MCUR1: variants seen among roughly 807,000 people sequenced by gnomAD.
The protein encoded by MCUR1 is mitochondrial calcium uniporter regulator 1.
Under a neutral mutation model 42.0 loss-of-function variants are expected in MCUR1, and 37 were observed. The observed-to-expected ratio is 0.88, with a 90% CI of 0.68 to 1.16. MCUR1 has a LOEUF of 1.16. MCUR1 is among the 50% of genes most tolerant of loss of function. MCUR1 has a pLI of 0.00. For synonymous variants in MCUR1, 229 were observed against 196.2 expected (o/e 1.17, Z -1.40); for missense variants, 469 against 468.4 (o/e 1.00, Z -0.01).
chr6:13,797,663 A>C (rs899950567), intron 6 of MCUR1, among the ~76,000 whole-genome samples: 1 of 151,212 alleles, frequency 6.6e-6, no homozygotes, highest in Non-Finnish European at 1.5e-5. Context: ...AGCTGAGATC[A>C]CACCACTGCA....
rs1760329820 is a variant in MCUR1 at position 13,814,453 on chromosome 6, G to C, written c.-24C>G. The C allele has an allele frequency of 1.3e-6, 2 of 1,483,482 alleles. No homozygotes were observed. The highest frequency in any genetic ancestry group is 1.8e-6 in the Non-Finnish European group (2 of 1,127,242). 91.9% of individuals were successfully genotyped at this position (1,483,482 alleles called of 1,614,324 possible). A position where few individuals can be genotyped will look rare whatever the true frequency, so the allele number is the denominator to read the frequency against. On this transcript the variant is annotated 5_prime_UTR_variant, in exon 1 of 9. Transcript: ENST00000379170. Reference sequence around the variant, plus strand: ...ATCCCCGAGCAGTTCACTGGCCCGGGCGCGCGCTCATGCCTCTCGCTTTTG... The same window carrying C: ...ATCCCCGAGCAGTTCACTGGCCCGGCCGCGCGCTCATGCCTCTCGCTTTTG...
At position 13,786,978 on chromosome 6, in the gene MCUR1, G is replaced by A. The variant is rs1759618752; in HGVS notation, c.*3831C>T. ...ATGTTTTTGCCTTAGTGCCAAAAAA[G>A]CCAGAACAAATTTGATAAGCTCACA... is the stretch of plus-strand genomic sequence containing the variant. On this transcript the variant is annotated 3_prime_UTR_variant, in exon 9 of 9. Transcript: ENST00000379170. 1 of 152,102 alleles carries A rather than the reference G, an allele frequency of 6.6e-6. No homozygotes were observed. The highest frequency in any genetic ancestry group is 6.5e-5 in the Admixed American group (1 of 15,276). The allele number at this position is 152,102 out of a possible 1,614,324, so 9.4% of individuals were successfully genotyped here.
At chr6:13,791,719 T>C (rs1234430462) in intron 8 of MCUR1, among the ~76,000 whole-genome samples, 159 bp downstream of exon 8, 2 of 152,234 alleles carry the variant, frequency 1.3e-5, no homozygotes, top group Non-Finnish European at 2.9e-5. Context: ...TAAACTATGA[T>C]ACTTCATCTA....
intron 2 of MCUR1, chr6:13,803,728 A>C (rs556721662): frequency 2.5e-4 from 246 of 982,088 alleles, no homozygotes; most frequent in Non-Finnish European, 2.9e-4. Flanking sequence ...AAGGTTACTC[A>C]CCAAAATGTT....
At chr6:13,798,686 T>A in intron 6 of MCUR1, 147 bp downstream of exon 6, 1 of 466,412 alleles carries the variant, frequency 2.1e-6, no homozygotes, top group Non-Finnish European at 3.6e-6. Context: ...AATCCAAAAT[T>A]ATTATAATAG....
At chr6:13,804,612 A>C (rs1428879488) in intron 2 of MCUR1, among the ~76,000 whole-genome samples, 1 of 151,736 alleles carries the variant, frequency 6.6e-6, no homozygotes, top group African/African-American at 2.4e-5. Context: ...GTCTCTACTA[A>C]AAATACAAAA....
chr6:13,791,008 A>C, intron 8 of MCUR1, 144 bp from the exon 9 acceptor site: 1 of 556,344 alleles, frequency 1.8e-6, no homozygotes, highest in Non-Finnish European at 3.2e-6. Context: ...ACGCCTGCCT[A>C]CTGAAAAAAC....
rs1183963706 is a variant in MCUR1, at chr6:13,814,214, G to A, written c.216C>T (p.Leu72=). The change falls in exon 1 of 9, where the codon CTC becomes CTT. Residue 72 remains leucine, a synonymous_variant. Transcript: ENST00000379170. ...GVSRASPLLL[L]LLVPSPRLAA... ...CCAAGCGCGGGGAGGGCACTAGCAG[G>A]AGGAGGAGCAGCGGTGAGGCACGTG... 3 of 1,454,288 alleles carry A rather than the reference G, an allele frequency of 2.1e-6. No homozygotes were observed. Among genetic ancestry groups the A allele is most frequent in the Non-Finnish European group, 2.7e-6 (3 of 1,111,156 alleles). The allele number at this position is 1,454,288 out of a possible 1,614,324, so 90.1% of individuals were successfully genotyped here. A position where few individuals can be genotyped will look rare whatever the true frequency, so the allele number is the denominator to read the frequency against.
intron 2 of MCUR1, among the ~76,000 whole-genome samples, chr6:13,805,450 G>T (rs903691237): frequency 1.3e-5 from 2 of 152,104 alleles, no homozygotes; most frequent in Admixed American, 6.6e-5. Context: ...TCATTCATGC[G>T]TATTATCTTG....
Position 13,814,104 on chromosome 6 carries a change from G to T in MCUR1, c.326C>A (p.Ala109Glu). The part of the protein sequence containing the change: ...YAAPPAGRSS[A>E]WRCSPGVAAA... ...GGCGACGCCCGGTGAGCACCTCCACGCGCTGCTGCGCCCGGCCGGGGGTGC... is the reference window on the plus strand; with the variant it reads ...GGCGACGCCCGGTGAGCACCTCCACTCGCTGCTGCGCCCGGCCGGGGGTGC... The change falls in exon 1 of 9, where the codon GCG (alanine) becomes GAG (glutamate). Residue 109 changes from alanine (A) to glutamate (E), a missense_variant. Transcript: ENST00000379170. 8.0e-7 allele frequency: 1 copy of T among 1,253,110 alleles called. No individual in the cohort carries two copies. The highest frequency in any genetic ancestry group is 1.0e-6 in the Non-Finnish European group (1 of 1,003,188). 77.6% of individuals were successfully genotyped at this position (1,253,110 alleles called of 1,614,324 possible).
At chr6:13,801,477 A>C (rs527466457) in intron 3 of MCUR1, 88 bp from the exon 4 acceptor site, 1 of 878,700 alleles carries the variant, frequency 1.1e-6, no homozygotes, top group African/African-American at 1.6e-5. Context: ...CTTATTGAGA[A>C]ACCAGGACAA....
intron 6 of MCUR1, among the ~76,000 whole-genome samples, chr6:13,795,502 T>C (rs1759836384): frequency 6.6e-6 from 1 of 152,224 alleles, no homozygotes; most frequent in South Asian, 2.1e-4. Context: ...TATTTAACAT[T>C]ATAACTTTAC....
chr6:13,806,744 G>A (rs1466191473), intron 2 of MCUR1, among the ~76,000 whole-genome samples, 181 bp downstream of exon 2: 2 of 152,286 alleles, frequency 1.3e-5, no homozygotes, highest in African/African-American at 4.8e-5. Flanking sequence ...AACCAAGACT[G>A]CGCCACTGCA....
At position 13,814,450 on chromosome 6, in the gene MCUR1, C is replaced by A; in HGVS notation, c.-21G>T. Reference sequence around the variant, plus strand: ...TCCATCCCCGAGCAGTTCACTGGCCCGGGCGCGCGCTCATGCCTCTCGCTT... The same window carrying A: ...TCCATCCCCGAGCAGTTCACTGGCCAGGGCGCGCGCTCATGCCTCTCGCTT... On this transcript the variant is annotated 5_prime_UTR_variant, in exon 1 of 9. Coordinates refer to ENST00000379170, the MANE Select transcript of MCUR1 (RefSeq NM_001031713.4). 1 of 1,484,884 alleles carries A rather than the reference C, an allele frequency of 6.7e-7. No individual in the cohort carries two copies. Among genetic ancestry groups the A allele is most frequent in the Non-Finnish European group, 8.9e-7 (1 of 1,127,960 alleles). 92.0% of individuals were successfully genotyped at this position (1,484,884 alleles called of 1,614,324 possible).
At chr6:13,809,612 G>A (rs981148648) in intron 1 of MCUR1, among the ~76,000 whole-genome samples, 2 of 151,284 alleles carry the variant, frequency 1.3e-5, no homozygotes, top group African/African-American at 4.9e-5. Flanking sequence ...TTTTTAATTG[G>A]GTCAGGTGAA....
chr6:13,789,270 G>A lies in MCUR1; in HGVS notation c.*1539C>T, dbSNP rs1205449701. On this transcript the variant is annotated 3_prime_UTR_variant, in exon 9 of 9. Transcript: ENST00000379170. ...ACAAAAATTAGCTGGGCGTGGTGGT[G>A]GGCACCTGTAATCCCAGCTACTCAG... 1 of 152,264 alleles carries A rather than the reference G, an allele frequency of 6.6e-6. No homozygotes were observed. 9.4% of individuals were successfully genotyped at this position (152,264 alleles called of 1,614,324 possible).
At chr6:13,809,971 G>A (rs553188841) in intron 1 of MCUR1, among the ~76,000 whole-genome samples, 1 of 152,146 alleles carries the variant, frequency 6.6e-6, no homozygotes, top group African/African-American at 2.4e-5. Flanking sequence ...TTGGGAGGCC[G>A]AGGCAGATGG....
chr6:13,807,741 A>G (rs1422507019), intron 1 of MCUR1, among the ~76,000 whole-genome samples: 1 of 152,196 alleles, frequency 6.6e-6, no homozygotes, highest in Non-Finnish European at 1.5e-5. Context: ...CACTCCTTCT[A>G]GCAGCGCACG....
chr6:13,801,394 G>A lies in MCUR1; in HGVS notation c.640-5C>T. 6.3e-7 allele frequency: 1 copy of A among 1,597,478 alleles called. No individual in the cohort carries two copies. Among genetic ancestry groups the A allele is most frequent in the South Asian group, 1.1e-5 (1 of 90,418 alleles). On this transcript the variant is annotated splice_polypyrimidine_tract_variant and splice_region_variant and intron_variant, in intron 3 of 8. Transcript: ENST00000379170. Reference sequence around the variant, plus strand: ...TACTTGCTGAAAAGTGATTTCCTAGGAAAAGAAAAACAAAACACATAATCT... The same window carrying A: ...TACTTGCTGAAAAGTGATTTCCTAGAAAAAGAAAAACAAAACACATAATCT...
Sources: gnomAD v4.1 joint callset for allele counts (sites outside exome capture counted in the v4.1 genomes callset) on GRCh38, gnomAD v4.1.1 for gene constraint, MANE v1.5 for transcripts, NCBI Gene and HGNC (gene_info 2026-07-23, HGNC 2026-07-21) for gene names.